The following SLC5A1 variants were observed in gnomAD, a reference collection of about 807,000 sequenced individuals.
The protein encoded by SLC5A1 is solute carrier family 5 member 1, also known as sodium/glucose cotransporter 1.
A neutral mutation model predicts 73.5 loss-of-function variants in SLC5A1; 42 were observed. That is an observed-to-expected ratio of 0.57 (90% CI 0.45 to 0.74). The LOEUF (loss-of-function observed/expected upper bound fraction) is 0.74, where lower values mean the gene tolerates loss of function less well. SLC5A1 is among the 30% of genes least tolerant of loss of function. The probability of loss-of-function intolerance (pLI) is 0.00; values close to 1 mark genes in which losing one functional copy is unlikely to be tolerated. For missense variants in SLC5A1, 634 were observed against 855.4 expected, an observed-to-expected ratio of 0.74 and a Z score of 3.23; for synonymous variants, 300 against 317.4, an observed-to-expected ratio of 0.95 and a Z score of 0.58.
chr22:32,085,547 T>TTC (rs1491453076), intron 9 of SLC5A1, among the ~76,000 whole-genome samples: 1 of 86,818 alleles, frequency 1.2e-5, no homozygotes, highest in Non-Finnish European at 2.9e-5. Context: ...TGTTTCCTCC[T>TTC]TTTTTTTTTT....
rs1000782198 is a variant in SLC5A1, at chr22:32,069,117, A to G, written c.477+517A>G. Among the ~76,000 whole-genome samples, 5 of 152,220 alleles carry G rather than the reference A, an allele frequency of 3.3e-5. No individual in the cohort carries two copies. The East Asian group carries it at 5.8e-4, about 18-fold the overall frequency. On this transcript the variant is annotated intron_variant, in intron 5 of 14. Coordinates refer to ENST00000266088, the MANE Select transcript of SLC5A1 (RefSeq NM_000343.4). ...GGAAATGCTGTCATTTGTTGTGAAT[A>G]TGCTGTCCATGTCCATAACATGGAT...
intron 1 of SLC5A1, among the ~76,000 whole-genome samples, chr22:32,047,070 C>T (rs1451611192): frequency 3.3e-5 from 5 of 152,078 alleles, no homozygotes; most frequent in Middle Eastern, 3.2e-3. Context: ...TAAGTGAAGT[C>T]ATCTGGGTGT....
In SLC5A1 at chr22:32,055,050, C is replaced by T. The variant is rs146346265; in HGVS notation, c.207+5036C>T. 8.5e-5 allele frequency among the ~76,000 whole-genome samples: 13 copies of T among 152,194 alleles called. No homozygotes were observed. In the East Asian group the frequency reaches 1.2e-3, roughly 14 times the overall value. On this transcript the variant is annotated intron_variant, in intron 2 of 14. Transcript: ENST00000266088. ...GATGATTCCAAAGATGGGCTCATCT[C>T]GATGAGAGGATGGATTGGTCTTCAG...
At chr22:32,082,366 G>T (rs1322120660) in intron 6 of SLC5A1, among the ~76,000 whole-genome samples, 2 of 152,148 alleles carry the variant, frequency 1.3e-5, no homozygotes, top group African/African-American at 2.4e-5. Flanking sequence ...GGATCGTGGG[G>T]GTTTGTGGGG....
intron 2 of SLC5A1, among the ~76,000 whole-genome samples, chr22:32,053,202 G>A (rs1271385899): frequency 6.6e-6 from 1 of 152,094 alleles, no homozygotes; most frequent in African/African-American, 2.4e-5. Flanking sequence ...TATATTTTGG[G>A]TGGGAGCTTT....
rs199755449 is a variant in SLC5A1 at position 32,067,355 on chromosome 22, T to TTA, written c.312+317_312+318insAT. ...CAGATTTCCATTATTATTATTATTA[T>TTA]TTTTTTTAAAAAAATTTTTATTATT... is the stretch of plus-strand genomic sequence containing the variant. On this transcript the variant is annotated intron_variant, in intron 3 of 14. Transcript: ENST00000266088. 0.75 allele frequency among the ~76,000 whole-genome samples: 112,779 copies of TTA among 149,940 alleles called. 42,431 individuals carry two copies. Among genetic ancestry groups the TTA allele is most frequent in the East Asian group, 0.93 (4,756 of 5,134 alleles).
At chr22:32,046,463 A>G (rs1326720081) in intron 1 of SLC5A1, among the ~76,000 whole-genome samples, 1 of 151,840 alleles carries the variant, frequency 6.6e-6, no homozygotes, top group Non-Finnish European at 1.5e-5. Flanking sequence ...CACTTCCAGT[A>G]GAAACTCTCC....
chr22:32,077,018 T>C (rs2093992023), intron 5 of SLC5A1, among the ~76,000 whole-genome samples: 1 of 152,228 alleles, frequency 6.6e-6, no homozygotes, highest in Non-Finnish European at 1.5e-5. Context: ...GCTGCTTTTA[T>C]GCTTTAACAA....
intron 5 of SLC5A1, among the ~76,000 whole-genome samples, chr22:32,080,989 G>C: frequency 6.6e-6 from 1 of 152,060 alleles, no homozygotes; most frequent in East Asian, 1.9e-4. Flanking sequence ...GTGAGACTCT[G>C]TCAAAAAATA....
In SLC5A1 at chr22:32,104,889, T is replaced by TA. The variant is rs2094042699; in HGVS notation, c.1770dup (p.Glu591ArgfsTer6). On this transcript the variant is annotated frameshift_variant and splice_region_variant, in exon 14 of 15. Coordinates refer to ENST00000266088, the MANE Select transcript of SLC5A1 (RefSeq NM_000343.4). LOFTEE classifies it high-confidence loss of function. The stretch of plus-strand genomic sequence containing the variant: ...GAAGGCCCTAAGGAGACCATTGAAA[T>TA]AGGTGACTTATGACCCAGAGCAGAT... 2.5e-6 allele frequency: 4 copies of TA among 1,606,192 alleles called. No homozygotes were observed. Among genetic ancestry groups the TA allele is most frequent in the Non-Finnish European group, 3.4e-6 (4 of 1,172,822 alleles).
chr22:32,092,799 T>G (rs2094020234), intron 11 of SLC5A1, among the ~76,000 whole-genome samples: 1 of 152,202 alleles, frequency 6.6e-6, no homozygotes, highest in East Asian at 1.9e-4. Context: ...GTGCAGAAGC[T>G]CTTTAGTTAA....
At chr22:32,069,989 C>T (rs2093980123) in intron 5 of SLC5A1, among the ~76,000 whole-genome samples, 1 of 152,126 alleles carries the variant, frequency 6.6e-6, no homozygotes, top group Non-Finnish European at 1.5e-5. Context: ...GCTCTGTGGG[C>T]CTTTAATTGC....
rs2093968412 is a variant in SLC5A1, at chr22:32,064,177, T to C, written c.208-2758T>C. Among the ~76,000 whole-genome samples the C allele has an allele frequency of 5.3e-5, 8 of 152,290 alleles. No individual in the cohort carries two copies. In the South Asian group the frequency reaches 1.7e-3, roughly 32 times the overall value. ...TAGTGGGTCAGGGCAGGTAGGCCAC[T>C]TGCAGAATGAAACTTTTGATTAAAA... On this transcript the variant is annotated intron_variant, in intron 2 of 14. Transcript: ENST00000266088.
chr22:32,095,702 G>A (rs2094025191), intron 11 of SLC5A1, among the ~76,000 whole-genome samples: 1 of 152,160 alleles, frequency 6.6e-6, no homozygotes, highest in Admixed American at 6.5e-5. Context: ...ACTTGCATGG[G>A]ATGTCTTTTT....
rs1603117069 is a variant in SLC5A1, at chr22:32,069,186, A to G, written c.477+586A>G. 2.0e-5 allele frequency among the ~76,000 whole-genome samples: 3 copies of G among 152,328 alleles called. No homozygotes were observed. The East Asian group carries it at 5.8e-4, about 29-fold the overall frequency. On this transcript the variant is annotated intron_variant, in intron 5 of 14. Coordinates refer to ENST00000266088, the MANE Select transcript of SLC5A1 (RefSeq NM_000343.4). ...GTTAAGTGAAATAGGCTAGGCACAG[A>G]AAGACAAATACAGCATAGTGGAATC...
intron 2 of SLC5A1, among the ~76,000 whole-genome samples, chr22:32,059,711 C>G (rs927587453): frequency 2.0e-5 from 3 of 152,166 alleles, no homozygotes; most frequent in Non-Finnish European, 4.4e-5. Flanking sequence ...TTTGTTGTCT[C>G]TGGTGGTTGA....
chr22:32,082,927 G>C, intron 6 of SLC5A1, 147 bp from the exon 7 acceptor site: 1 of 720,014 alleles, frequency 1.4e-6, no homozygotes, highest in Non-Finnish European at 2.5e-6. Flanking sequence ...AACAGGACAA[G>C]GGAGGGAAGG....
intron 9 of SLC5A1, 31 bp downstream of exon 9, chr22:32,085,066 T>C (rs1283577066): frequency 1.2e-6 from 2 of 1,613,342 alleles, no homozygotes; most frequent in Non-Finnish European, 1.7e-6. Context: ...CACAAACCAC[T>C]CTCCCTTTTT....
intron 10 of SLC5A1, among the ~76,000 whole-genome samples, chr22:32,089,200 T>C (rs971878469): frequency 1.3e-5 from 2 of 152,208 alleles, no homozygotes; most frequent in African/African-American, 4.8e-5. Flanking sequence ...AACTGAAAAA[T>C]GAGATAATTG....
Sources: allele counts gnomAD v4.1 joint callset (sites outside exome capture counted in the v4.1 genomes callset), GRCh38; gene constraint gnomAD v4.1.1; transcripts MANE v1.5; gene names NCBI Gene and HGNC (gene_info 2026-07-23, HGNC 2026-07-21).